EPHB4: variants seen among roughly 807,000 people sequenced by gnomAD.
EPHB4 encodes the protein EPH receptor B4.
A neutral mutation model predicts 110.6 loss-of-function variants in EPHB4; 50 were observed. The ratio of observed to expected loss-of-function variants is 0.45; its 90% CI spans 0.36 to 0.57. The LOEUF (loss-of-function observed/expected upper bound fraction) is 0.57, where lower values mean the gene tolerates loss of function less well. Ranked by LOEUF, EPHB4 falls within the 20% of genes least tolerant of loss-of-function variation. The pLI is 0.00. For missense variants in EPHB4, 1,128 were observed against 1,382.1 expected (o/e 0.82, Z 2.91); for synonymous variants, 592 against 578.4 (o/e 1.02, Z -0.34).
intron 6 of EPHB4, among the ~76,000 whole-genome samples, chr7:100,819,326 T>G (rs1813160411): frequency 6.6e-6 from 1 of 152,160 alleles, no homozygotes; most frequent in South Asian, 2.1e-4. Context: ...CCCAGGCTGG[T>G]CTTGAACTCC....
Position 100,810,524 on chromosome 7 carries a change from T to C in EPHB4, c.2118+2223A>G, listed in dbSNP as rs1812903986. The stretch of plus-strand genomic sequence containing the variant: ...TGAGAGGTTAAGGAGGGAGGATCGC[T>C]TGAGTCCAGGAGTTTGAGACCAGCC... On this transcript the variant is annotated intron_variant, in intron 12 of 16. Coordinates refer to ENST00000358173, the MANE Select transcript of EPHB4 (RefSeq NM_004444.5). Among the ~76,000 whole-genome samples, 3 of 151,880 alleles carry C rather than the reference T, an allele frequency of 2.0e-5. No individual in the cohort carries two copies. In the South Asian group the frequency reaches 6.2e-4, roughly 32 times the overall value.
intron 10 of EPHB4, 59 bp downstream of exon 10, chr7:100,813,593 G>C (rs184554106): frequency 3.5e-5 from 55 of 1,590,368 alleles, no homozygotes; most frequent in Non-Finnish European, 4.6e-5. Context: ...TGGGATTATA[G>C]ATAGGAGCCA....
At chr7:100,819,980 T>C (rs373082775) in intron 5 of EPHB4, 91 bp from the exon 6 acceptor site, 5 of 1,475,666 alleles carry the variant, frequency 3.4e-6, no homozygotes, top group East Asian at 2.5e-5. Flanking sequence ...TGCTGGACTC[T>C]TGCCTTGGAG....
Position 100,827,122 on chromosome 7 carries a change from C to T in EPHB4, c.-92G>A, listed in dbSNP as rs985973245. The T allele has an allele frequency of 2.9e-6, 4 of 1,402,622 alleles. No homozygotes were observed. Among genetic ancestry groups the T allele is most frequent in the East Asian group, 2.6e-5 (1 of 38,258 alleles). 86.9% of individuals were successfully genotyped at this position (1,402,622 alleles called of 1,614,324 possible). The stretch of plus-strand genomic sequence containing the variant: ...CTCCCTGGGCGGGTGGACGCCGATA[C>T]TCCGCGCGGGACTCCTCGTCGGGGC... On this transcript the variant is annotated 5_prime_UTR_variant, in exon 1 of 17. Coordinates refer to ENST00000358173, the MANE Select transcript of EPHB4 (RefSeq NM_004444.5).
intron 1 of EPHB4, chr7:100,825,092 G>A (rs1813339973): frequency 6.6e-6 from 1 of 151,586 alleles, no homozygotes; most frequent in South Asian, 2.1e-4. Flanking sequence ...GAATCCCCTC[G>A]GGGGCCGGCA....
intron 15 of EPHB4, 22 bp downstream of exon 15, chr7:100,805,479 G>C (rs1383483282): frequency 6.5e-7 from 1 of 1,528,312 alleles, no homozygotes. Context: ...GGGAAGGAGG[G>C]CCCATTCTCT....
At chr7:100,812,057 AG>A (rs1812947604) in intron 12 of EPHB4, among the ~76,000 whole-genome samples, 1 of 152,020 alleles carries the variant, frequency 6.6e-6, no homozygotes, top group Non-Finnish European at 1.5e-5. Context: ...CTATAATCCC[AG>A]CTACTGGGGA....
At chr7:100,819,107 T>C (rs2116448948) in intron 6 of EPHB4, among the ~76,000 whole-genome samples, 1 of 151,626 alleles carries the variant, frequency 6.6e-6, no homozygotes, top group African/African-American at 2.4e-5. Context: ...TCACCCTCTC[T>C]TTCTTATTCA....
At chr7:100,820,781 T>TAGCAGC (rs1813206092) in intron 4 of EPHB4, among the ~76,000 whole-genome samples, 1 of 152,048 alleles carries the variant, frequency 6.6e-6, no homozygotes, top group African/African-American at 2.4e-5. Flanking sequence ...TCTTAACATA[T>TAGCAGC]AGCAGCAAGT....
chr7:100,826,536 G>A (rs1584669896), intron 1 of EPHB4, among the ~76,000 whole-genome samples: 1 of 152,242 alleles, frequency 6.6e-6, no homozygotes, highest in African/African-American at 2.4e-5. Context: ...CTAAGGAATT[G>A]GCGCTGGGGG....
rs2116406661 is a variant in EPHB4 at position 100,803,321 on chromosome 7, G to A, written c.*140C>T. 6.5e-6 allele frequency: 7 copies of A among 1,073,740 alleles called. No individual in the cohort carries two copies. Among genetic ancestry groups the A allele is most frequent in the Non-Finnish European group, 8.7e-6 (7 of 805,782 alleles). 66.5% of individuals were successfully genotyped at this position (1,073,740 alleles called of 1,614,324 possible). A position where few individuals can be genotyped will look rare whatever the true frequency, so the allele number is the denominator to read the frequency against. On this transcript the variant is annotated 3_prime_UTR_variant, in exon 17 of 17. Coordinates refer to ENST00000358173, the MANE Select transcript of EPHB4 (RefSeq NM_004444.5). ...TATTATGGCAGAACCCCCAAATCCT[G>A]TCTCTCCAAATTGCCAACTCCTCAC... is the stretch of plus-strand genomic sequence containing the variant.
intron 7 of EPHB4, among the ~76,000 whole-genome samples, chr7:100,817,859 G>GTTTTTTTTTTT (rs33978512): frequency 1.3e-4 from 6 of 47,108 alleles, no homozygotes; most frequent in East Asian, 8.7e-4. Context: ...TATTTTTTGC[G>GTTTTTTTTTTT]TTTTTTTTTT....
At position 100,827,080 on chromosome 7, in the gene EPHB4, C is replaced by A. The variant is rs760218113; in HGVS notation, c.-50G>T. ...CCGAACTGAGTTTGGGGGGCCCTCG[C>A]CCCCCCAGGTCTGACTCTCCCTGGG... is the stretch of plus-strand genomic sequence containing the variant. On this transcript the variant is annotated 5_prime_UTR_variant, in exon 1 of 17. Coordinates refer to ENST00000358173, the MANE Select transcript of EPHB4 (RefSeq NM_004444.5). 190 of 1,540,262 alleles carry A rather than the reference C, an allele frequency of 1.2e-4. No homozygotes were observed. Among genetic ancestry groups the A allele is most frequent in the Admixed American group, 1.8e-4 (9 of 50,872 alleles).
At position 100,822,599 on chromosome 7, in the gene EPHB4, A is replaced by G. The variant is rs565866947; in HGVS notation, c.480T>C (p.Asn160=). ...GCGGTCCCAGACGCAGCGTCTTGAC[A>G]TTCACCTTCCCGGTGGCCTCGGCCC... ...RPGAEATGKV[N]VKTLRLGPLS... The change falls in exon 4 of 17, where the codon AAT becomes AAC. Residue 160 remains asparagine (N), a synonymous_variant. Transcript: ENST00000358173. This position sits in a 1 kb window ranked among gnomAD's most constrained non-coding sequence, Gnocchi z 4.7. The G allele has an allele frequency of 2.5e-6, 4 of 1,608,746 alleles. No individual in the cohort carries two copies. The African/African-American group carries it at 5.3e-5, about 21-fold the overall frequency.
Position 100,823,076 on chromosome 7 carries a change from C to T in EPHB4, c.412-409G>A, listed in dbSNP as rs1359100128. Among the ~76,000 whole-genome samples the T allele has an allele frequency of 3.3e-5, 5 of 152,170 alleles. No homozygotes were observed. In the East Asian group the frequency reaches 9.7e-4, roughly 29 times the overall value. ...CGAGGTGGGAGAAATCTCTTGAGCC[C>T]AGGAGTTAGAGACCAGCCTGGGTAA... On this transcript the variant is annotated intron_variant, in intron 3 of 16. Transcript: ENST00000358173.
At chr7:100,811,242 A>G (rs998820407) in intron 12 of EPHB4, among the ~76,000 whole-genome samples, 1 of 151,318 alleles carries the variant, frequency 6.6e-6, no homozygotes, top group Non-Finnish European at 1.5e-5. Flanking sequence ...ACAGATGGAA[A>G]CTCCATCTCA....
At chr7:100,817,833 T>C (rs1813115320) in intron 7 of EPHB4, among the ~76,000 whole-genome samples, 1 of 150,438 alleles carries the variant, frequency 6.6e-6, no homozygotes, top group African/African-American at 2.4e-5. Flanking sequence ...CCCAGTCTAA[T>C]TTTTTTCATT....
In EPHB4 at chr7:100,822,328, T is replaced by A. The variant is rs1241171625; in HGVS notation, c.751A>T (p.Thr251Ser). Reference sequence around the variant, plus strand: ...AACCCCGGAGCACAGCTGCAGCCCGTGACCGGCTGTTCGGCCCACTGGCCA... The same window carrying A: ...AACCCCGGAGCACAGCTGCAGCCCGAGACCGGCTGTTCGGCCCACTGGCCA... Reference protein sequence around the residue: ...EDGQWAEQPVTGCSCAPGFEA... With the variant: ...EDGQWAEQPVSGCSCAPGFEA... The change falls in exon 4 of 17, where the codon ACG (threonine) becomes TCG (serine). Residue 251 changes from threonine to serine, a missense_variant. Transcript: ENST00000358173. The surrounding 1 kb of genome is among the most constrained non-coding windows in gnomAD (Gnocchi z 4.7). 6.4e-7 allele frequency: 1 copy of A among 1,567,584 alleles called. No individual in the cohort carries two copies. The highest frequency in any genetic ancestry group is 1.8e-5 in the Admixed American group (1 of 54,724).
intron 12 of EPHB4, among the ~76,000 whole-genome samples, chr7:100,808,790 A>G (rs1289541500): frequency 6.6e-6 from 1 of 152,226 alleles, no homozygotes; most frequent in African/African-American, 2.4e-5. Context: ...CTACAGAACC[A>G]GGGACATAGA....
Sources: gnomAD v4.1 joint callset for allele counts (sites outside exome capture counted in the v4.1 genomes callset) on GRCh38, gnomAD v4.1.1 for gene constraint, Gnocchi (gnomAD v3.1) non-coding constraint, MANE v1.5 for transcripts, NCBI Gene and HGNC (gene_info 2026-07-23, HGNC 2026-07-21) for gene names.